The following RBFOX2 variants were observed in gnomAD, a reference collection of about 807,000 sequenced individuals.
The protein encoded by RBFOX2 is RNA binding fox-1 homolog 2.
RBFOX2 carries 10 observed loss-of-function variants against 49.1 expected under a neutral mutation model. That is an observed-to-expected ratio of 0.20 (90% CI 0.13 to 0.35). The LOEUF (loss-of-function observed/expected upper bound fraction) is 0.35, where lower values mean the gene tolerates loss of function less well. Ranked by LOEUF, RBFOX2 falls within the 10% of genes least tolerant of loss-of-function variation. The probability of loss-of-function intolerance (pLI) is 1.00; values close to 1 mark genes in which losing one functional copy is unlikely to be tolerated. For missense variants in RBFOX2, 323 were observed against 486.9 expected (o/e 0.66, Z 3.17); for synonymous variants, 183 against 187.4 (o/e 0.98, Z 0.19).
chr22:35,985,880 CTAGATAGATAGATAGATAGATGGA>C (rs1230282475), intron 1 of RBFOX2, among the ~76,000 whole-genome samples: 4 of 146,744 alleles, frequency 2.7e-5, no homozygotes, highest in East Asian at 4.0e-4. Context: ...GACTCCATCT[CTAGATAGATAGATAGATAGATGGA>C]TAGATAGATA....
At chr22:35,744,857 T>C (rs1372420845) in intron 11 of RBFOX2, among the ~76,000 whole-genome samples, 1 of 152,244 alleles carries the variant, frequency 6.6e-6, no homozygotes, top group Non-Finnish European at 1.5e-5. Flanking sequence ...TTTATTCCTT[T>C]ATGTTTATCA....
intron 1 of RBFOX2, among the ~76,000 whole-genome samples, chr22:35,868,335 T>C (rs2043928907): frequency 6.6e-6 from 1 of 152,224 alleles, no homozygotes; most frequent in Non-Finnish European, 1.5e-5. Context: ...TAAGGACCAA[T>C]ACTAATATGT....
intron 1 of RBFOX2, among the ~76,000 whole-genome samples, chr22:35,977,912 A>G (rs572593027): frequency 5.9e-5 from 9 of 151,308 alleles, no homozygotes; most frequent in Non-Finnish European, 1.3e-4. Context: ...GATGCACAGG[A>G]CAGCAGGCCC....
At position 35,837,506 on chromosome 22, in the gene RBFOX2, T is replaced by C. The variant is rs12166901; in HGVS notation, c.27+2686A>G. On this transcript the variant is annotated intron_variant, in intron 1 of 11. Coordinates refer to ENST00000405409, the Ensembl canonical transcript of RBFOX2. ...TGGCTCAAACACACACACACACACA[T>C]GTGCACACACACACACACACGCAGG... Among the ~76,000 whole-genome samples the C allele has an allele frequency of 8.8e-4, 93 of 105,588 alleles. 1 individual carries two copies. The highest frequency in any genetic ancestry group is 4.5e-3 in the South Asian group (18 of 3,972). 69.3% of individuals were successfully genotyped at this position (105,588 alleles called of 152,430 possible). A position where few individuals can be genotyped will look rare whatever the true frequency, so the allele number is the denominator to read the frequency against.
intron 1 of RBFOX2, chr22:35,996,969 T>C (rs1447820357): frequency 1.3e-5 from 2 of 152,304 alleles, no homozygotes; most frequent in East Asian, 3.9e-4. Context: ...CAAGTCCAGA[T>C]ACTGTGGTAA....
intron 1 of RBFOX2, among the ~76,000 whole-genome samples, chr22:35,901,899 T>C (rs1178755730): frequency 6.6e-6 from 1 of 152,020 alleles, no homozygotes. Context: ...CTGGCCAACA[T>C]GGTGAAACCC....
At chr22:35,764,089 G>A (rs889121933) in intron 6 of RBFOX2, among the ~76,000 whole-genome samples, 10 of 152,148 alleles carry the variant, frequency 6.6e-5, no homozygotes, top group Non-Finnish European at 1.5e-4. Context: ...GGTAAAGTGG[G>A]AGGCAGTGGT....
chr22:35,756,343 G>A (rs901836374), intron 9 of RBFOX2, among the ~76,000 whole-genome samples, 199 bp from the exon 11 acceptor site: 13 of 152,162 alleles, frequency 8.5e-5, no homozygotes, highest in East Asian at 1.9e-4. Context: ...CAGGACATGC[G>A]AGGAGAGGGA....
chr22:35,760,175 C>A (rs890640452), intron 8 of RBFOX2, 155 bp from the exon 10 acceptor site: 1 of 929,324 alleles, frequency 1.1e-6, no homozygotes, highest in Admixed American at 2.6e-5. Flanking sequence ...ACGTTCTACC[C>A]TGGGTCTCTC....
chr22:35,851,178 T>C (rs932146750), intron 1 of RBFOX2, among the ~76,000 whole-genome samples: 3 of 152,222 alleles, frequency 2.0e-5, no homozygotes, highest in African/African-American at 7.2e-5. Context: ...AAAATGGCTA[T>C]AGCATATTTT....
At chr22:35,777,043 G>A (rs1199482538) in intron 4 of RBFOX2, among the ~76,000 whole-genome samples, 1 of 146,302 alleles carries the variant, frequency 6.8e-6, no homozygotes, top group Non-Finnish European at 1.5e-5. Flanking sequence ...AGACAGTCTT[G>A]CTCTGTCACC....
intron 1 of RBFOX2, among the ~76,000 whole-genome samples, chr22:35,984,726 C>A (rs1424069601): frequency 1.3e-5 from 2 of 152,068 alleles, no homozygotes; most frequent in African/African-American, 2.4e-5. Context: ...CATGAACAAA[C>A]CCAGCCCGAA....
chr22:35,897,292 C>T (rs1569469884), intron 1 of RBFOX2: 1 of 1,508,016 alleles, frequency 6.6e-7, no homozygotes, highest in East Asian at 2.3e-5. Flanking sequence ...GCCAGCTTCA[C>T]ATCCTCAATT....
At chr22:35,920,495 C>T (rs761246156) in intron 1 of RBFOX2, among the ~76,000 whole-genome samples, 23 of 152,158 alleles carry the variant, frequency 1.5e-4, no homozygotes, top group Non-Finnish European at 2.9e-4. Context: ...TTTCTGGGCT[C>T]ACTTTAACCT....
chr22:36,005,440 C>A lies in RBFOX2; in HGVS notation c.186+22800G>T, dbSNP rs1029114706. Among the ~76,000 whole-genome samples, 8 of 152,362 alleles carry A rather than the reference C, an allele frequency of 5.3e-5. No homozygotes were observed. The East Asian group carries it at 5.8e-4, about 11-fold the overall frequency. Reference sequence around the variant, plus strand: ...GCAAAGAAGTGTCTAAACAAAATGACAGAACACTGACGGCAATGCCACATG... The same window carrying A: ...GCAAAGAAGTGTCTAAACAAAATGAAAGAACACTGACGGCAATGCCACATG... On this transcript the variant is annotated intron_variant, in intron 1 of 13. Coordinates refer to the RBFOX2 transcript ENST00000438146.
intron 1 of RBFOX2, among the ~76,000 whole-genome samples, chr22:35,934,687 G>T (rs2149708504): frequency 6.6e-6 from 1 of 152,304 alleles, no homozygotes; most frequent in South Asian, 2.1e-4. Context: ...CGCAAAAACA[G>T]TAAGGCTGCT....
chr22:35,925,409 A>C (rs990041847), intron 1 of RBFOX2, among the ~76,000 whole-genome samples: 1 of 152,142 alleles, frequency 6.6e-6, no homozygotes. Flanking sequence ...GCATGCCTGT[A>C]GTTCCAGCTA....
At chr22:35,840,883 A>T (rs1958652788), upstream of RBFOX2, among the ~76,000 whole-genome samples, 1 of 152,244 alleles carries the variant, frequency 6.6e-6, no homozygotes. Flanking sequence ...CAGTGGATTT[A>T]ACAAGAAAGA....
At chr22:35,745,057 A>G (rs1931987401) in intron 11 of RBFOX2, among the ~76,000 whole-genome samples, 1 of 152,208 alleles carries the variant, frequency 6.6e-6, no homozygotes, top group African/African-American at 2.4e-5. Context: ...AGGGCCCCCT[A>G]TTACTTCCTT....
Sources: gnomAD v4.1 joint callset for allele counts (sites outside exome capture counted in the v4.1 genomes callset) on GRCh38, gnomAD v4.1.1 for gene constraint, MANE v1.5 for transcripts, NCBI Gene and HGNC (gene_info 2026-07-23, HGNC 2026-07-21) for gene names.